The following CYP1B1 variants were observed in gnomAD, a reference collection of about 807,000 sequenced individuals.
CYP1B1 encodes cytochrome P450 1B1.
Under a neutral mutation model 29.9 loss-of-function variants are expected in CYP1B1, and 22 were observed. That is an observed-to-expected ratio of 0.74 (90% CI 0.53 to 1.05). The LOEUF is 1.05. CYP1B1 is among the 50% of genes least tolerant of loss of function. The pLI is 0.00. For synonymous variants in CYP1B1, 375 were observed against 320.0 expected, an observed-to-expected ratio of 1.17 and a Z score of -1.83; for missense variants, 883 against 746.9, an observed-to-expected ratio of 1.18 and a Z score of -2.12.
In CYP1B1 at chr2:38,075,246, C is replaced by G. The variant is rs1334319155; in HGVS notation, c.143G>C (p.Arg48Pro). 3.1e-6 allele frequency: 5 copies of G among 1,594,634 alleles called. No homozygotes were observed. Among genetic ancestry groups the G allele is most frequent in the Non-Finnish European group, 3.4e-6 (4 of 1,175,134 alleles). ...CGCAAACGGGCCCGGGGGCGCGGAC[C>G]GGAGCTGCCGCCTCCGTTGCCTCAG... is the stretch of plus-strand genomic sequence containing the variant. ...RLLRQRRRQL[R>P]SAPPGPFAWP... is the part of the protein sequence containing the mutation. The change falls in exon 2 of 3, where the codon CGG becomes CCG. Residue 48 changes from arginine (R) to proline (P), a missense_variant. Arg to Pro is a moderately radical substitution (Grantham distance 103). Coordinates refer to ENST00000610745, the MANE Select transcript of CYP1B1 (RefSeq NM_000104.4).
rs1239156981 is a variant in CYP1B1 at position 38,074,521 on chromosome 2, G to A, written c.868C>T (p.Arg290Cys). 3 of 1,608,206 alleles carry A rather than the reference G, an allele frequency of 1.9e-6. No individual in the cohort carries two copies. The highest frequency in any genetic ancestry group is 2.5e-6 in the Non-Finnish European group (3 of 1,177,598). ...CESLRPGAAPRDMMDAFILSA... is the reference protein window; with the variant it reads ...CESLRPGAAPCDMMDAFILSA... ...AGGATAAAGGCGTCCATCATGTCGC[G>A]GGGGGCGGCCCCGGGCCGAAGGCTT... Residue 290 changes from arginine (R) to cysteine (C), a missense_variant, in exon 2 of 3, where the codon CGC becomes TGC. Physicochemically the swap from Arg to Cys is radical, Grantham distance 180. Transcript: ENST00000610745.
At chr2:38,072,164 T>C (rs1024095708) in intron 2 of CYP1B1, among the ~76,000 whole-genome samples, 42 of 152,336 alleles carry the variant, frequency 2.8e-4, no homozygotes, top group Non-Finnish European at 2.6e-4. Flanking sequence ...AATCCATGCC[T>C]AGAAATGTAT....
intron 2 of CYP1B1, among the ~76,000 whole-genome samples, chr2:38,072,612 ATGAAG>A (rs761928326): frequency 5.7e-4 from 87 of 152,344 alleles, no homozygotes; most frequent in Non-Finnish European, 8.5e-4. Flanking sequence ...CACGTATGTG[ATGAAG>A]TGGAGTTATT....
chr2:38,075,459 C>T, intron 1 of CYP1B1, 70 bp from the exon 2 acceptor site: 1 of 1,512,566 alleles, frequency 6.6e-7, no homozygotes, highest in Admixed American at 1.8e-5. Context: ...CACGCCCCTA[C>T]CCCAGCCTCT....
In CYP1B1 at chr2:38,075,043, C is replaced by T. The variant is rs979313676; in HGVS notation, c.346G>A (p.Asp116Asn). The change falls in exon 2 of 3, where the codon GAC becomes AAC. Residue 116 changes from aspartate to asparagine, a missense_variant. By Grantham distance (23) the Asp-to-Asn change is conservative. Coordinates refer to ENST00000610745, the MANE Select transcript of CYP1B1 (RefSeq NM_000104.4). Reference sequence around the variant, plus strand: ...CGGAAGGAGGCGAAGGCCGGCCGGTCGGCGAAGGCCGAGCCCTGCTGCACC... The same window carrying T: ...CGGAAGGAGGCGAAGGCCGGCCGGTTGGCGAAGGCCGAGCCCTGCTGCACC... ...ALVQQGSAFA[D>N]RPAFASFRVV... The T allele has an allele frequency of 6.3e-7, 1 of 1,587,256 alleles. No homozygotes were observed. The highest frequency in any genetic ancestry group is 8.5e-7 in the Non-Finnish European group (1 of 1,174,776).
At chr2:38,072,747 G>A (rs569957199) in intron 2 of CYP1B1, among the ~76,000 whole-genome samples, 3 of 152,310 alleles carry the variant, frequency 2.0e-5, no homozygotes, top group Admixed American at 2.0e-4. Context: ...AACCCTCTTT[G>A]TTGCACTACT....
At chr2:38,071,349 G>A (rs1349832481) in intron 2 of CYP1B1, 39 bp from the exon 3 acceptor site, 6 of 1,574,976 alleles carry the variant, frequency 3.8e-6, no homozygotes, top group Non-Finnish European at 5.2e-6. Context: ...AAGCAAGTGA[G>A]CAAAATTCTT....
chr2:38,074,529 G>T lies in CYP1B1; in HGVS notation c.860C>A (p.Ala287Asp). 6 of 1,607,290 alleles carry T rather than the reference G, an allele frequency of 3.7e-6. No homozygotes were observed. Among genetic ancestry groups the T allele is most frequent in the Non-Finnish European group, 5.1e-6 (6 of 1,177,170 alleles). The change falls in exon 2 of 3, where the codon GCC becomes GAC. Residue 287 changes from alanine to aspartate, a missense_variant. Ala to Asp is a moderately radical substitution (Grantham distance 126). Transcript: ENST00000610745. Reference sequence around the variant, plus strand: ...GGCGTCCATCATGTCGCGGGGGGCGGCCCCGGGCCGAAGGCTTTCGCAGTG... The same window carrying T: ...GGCGTCCATCATGTCGCGGGGGGCGTCCCCGGGCCGAAGGCTTTCGCAGTG... ...LRHCESLRPG[A>D]APRDMMDAFI... is the part of the protein sequence containing the mutation.
At position 38,074,491 on chromosome 2, in the gene CYP1B1, C is replaced by T. The variant is rs1484355793; in HGVS notation, c.898G>A (p.Ala300Thr). Residue 300 changes from alanine (A) to threonine (T), a missense_variant, in exon 2 of 3, where the codon GCG becomes ACG. Physicochemically the swap from Ala to Thr is moderately conservative, Grantham distance 58. Coordinates refer to ENST00000610745, the MANE Select transcript of CYP1B1 (RefSeq NM_000104.4). Reference sequence around the variant, plus strand: ...GAGTCCCCGGCCGCCTTCTTTTCCGCAGAGAGGATAAAGGCGTCCATCATG... The same window carrying T: ...GAGTCCCCGGCCGCCTTCTTTTCCGTAGAGAGGATAAAGGCGTCCATCATG... ...RDMMDAFILS[A>T]EKKAAGDSHG... The T allele has an allele frequency of 6.2e-7, 1 of 1,612,052 alleles. No individual in the cohort carries two copies. Among genetic ancestry groups the T allele is most frequent in the Non-Finnish European group, 8.5e-7 (1 of 1,179,378 alleles).
In CYP1B1 at chr2:38,068,484, T is replaced by C. The variant is rs1206996157; in HGVS notation, c.*2238A>G. The C allele has an allele frequency of 4.4e-6, 1 of 224,806 alleles. No homozygotes were observed. The highest frequency in any genetic ancestry group is 2.2e-5 in the African/African-American group (1 of 44,782). 13.9% of individuals were successfully genotyped at this position (224,806 alleles called of 1,614,324 possible). ...ATTGGTTCATGATTATTTTTGCAGCTACACATTTCTCAATCTAAAAAAATA... is the reference window on the plus strand; with the variant it reads ...ATTGGTTCATGATTATTTTTGCAGCCACACATTTCTCAATCTAAAAAAATA... On this transcript the variant is annotated 3_prime_UTR_variant, in exon 3 of 3. Transcript: ENST00000610745.
At chr2:38,075,440 C>T (rs1241943573) in intron 1 of CYP1B1, 51 bp from the exon 2 acceptor site, 2 of 1,579,930 alleles carry the variant, frequency 1.3e-6, no homozygotes, top group Non-Finnish European at 8.6e-7. Context: ...GAGACAGGAG[C>T]GGGCGCCCCA....
rs72549387 is a variant in CYP1B1, at chr2:38,075,218, C to T, written c.171G>A (p.Trp57Ter). 4.0e-4 allele frequency: 634 copies of T among 1,582,722 alleles called. No homozygotes were observed. The highest frequency in any genetic ancestry group is 5.2e-4 in the Non-Finnish European group (610 of 1,170,786). Residue 57 changes from tryptophan to a stop codon, truncating the protein, a stop_gained, in exon 2 of 3, where the codon TGG (tryptophan) becomes TGA (stop). Transcript: ENST00000610745. LOFTEE classifies it high-confidence loss of function. Reference protein sequence around the residue: ...LRSAPPGPFAWPLIGNAAAVG... With the variant: ...LRSAPPGPFA ...CCGCCGCCGCGTTTCCGATCAGTGGCCACGCAAACGGGCCCGGGGGCGCGG... is the reference window on the plus strand; with the variant it reads ...CCGCCGCCGCGTTTCCGATCAGTGGTCACGCAAACGGGCCCGGGGGCGCGG...
Position 38,069,366 on chromosome 2 carries a change from CCATTATT to C in CYP1B1, c.*1349_*1355del, listed in dbSNP as rs1682381082. 5 of 217,528 alleles carry C rather than the reference CCATTATT, an allele frequency of 2.3e-5. 1 individual carries two copies. The South Asian group carries it at 9.3e-4, about 40-fold the overall frequency. The allele number at this position is 217,528 out of a possible 1,614,324, so 13.5% of individuals were successfully genotyped here. On this transcript the variant is annotated 3_prime_UTR_variant, in exon 3 of 3. Transcript: ENST00000610745. ...ACATCCAGGTAATTCATGGCATTTT[CCATTATT>C]CATTGGGCAGACACAGCTTAGATTT... is the stretch of plus-strand genomic sequence containing the variant.
In CYP1B1 at chr2:38,074,822, G is replaced by C; in HGVS notation, c.567C>G (p.Ala189=). The change falls in exon 2 of 3, where the codon GCC becomes GCG. Residue 189 remains alanine, a synonymous_variant. Coordinates refer to ENST00000610745, the MANE Select transcript of CYP1B1 (RefSeq NM_000104.4). ...CGGTCAGCGGCCTCGGGTCGAGGAA[G>C]GCGCCGTCCGCGCTGCCGCGCACCA... ...ALLVRGSADG[A]FLDPRPLTVV... 6.4e-7 allele frequency: 1 copy of C among 1,569,576 alleles called. No individual in the cohort carries two copies. Among genetic ancestry groups the C allele is most frequent in the Non-Finnish European group, 8.6e-7 (1 of 1,158,004 alleles).
Position 38,074,958 on chromosome 2 carries a change from T to C in CYP1B1, c.431A>G (p.Gln144Arg), listed in dbSNP as rs753847648. ...CATCATGCTGTGGGCTGCGCGCCGC[T>C]GCACCTTCCAGTGCTCCGAGTAGTG... is the stretch of plus-strand genomic sequence containing the variant. Reference protein sequence around the residue: ...FGHYSEHWKVQRRAAHSMMRN... With the variant: ...FGHYSEHWKVRRRAAHSMMRN... The change falls in exon 2 of 3, where the codon CAG becomes CGG. Residue 144 changes from glutamine (Q) to arginine (R), a missense_variant. By Grantham distance (43) the Gln-to-Arg change is conservative. Coordinates refer to ENST00000610745, the MANE Select transcript of CYP1B1 (RefSeq NM_000104.4). 34 of 1,574,780 alleles carry C rather than the reference T, an allele frequency of 2.2e-5. No individual in the cohort carries two copies. The South Asian group carries it at 3.2e-4, about 15-fold the overall frequency.
chr2:38,069,082 C>T lies in CYP1B1; in HGVS notation c.*1640G>A, dbSNP rs1418812276. ...CAATGAACTTTAAAACTTGAAACTTCAATTCACTTTTCTAAATGTGAATGC... is the reference window on the plus strand; with the variant it reads ...CAATGAACTTTAAAACTTGAAACTTTAATTCACTTTTCTAAATGTGAATGC... On this transcript the variant is annotated 3_prime_UTR_variant, in exon 3 of 3. Transcript: ENST00000610745. 8.9e-6 allele frequency: 2 copies of T among 225,866 alleles called. No homozygotes were observed. The highest frequency in any genetic ancestry group is 4.4e-5 in the African/African-American group (2 of 44,960). The allele number at this position is 225,866 out of a possible 1,614,324, so 14.0% of individuals were successfully genotyped here. A position where few individuals can be genotyped will look rare whatever the true frequency, so the allele number is the denominator to read the frequency against.
rs1450206747 is a variant in CYP1B1 at position 38,071,062 on chromosome 2, G to A, written c.1292C>T (p.Pro431Leu). ...GTTCTCCGGGTTAGGCCACTTCAGT[G>A]GGTCATGATTCACAGACCACTGGTT... ...FVNQWSVNHD[P>L]LKWPNPENFD... The change falls in exon 3 of 3, where the codon CCA becomes CTA. Residue 431 changes from proline (P) to leucine (L), a missense_variant. By Grantham distance (98) the Pro-to-Leu change is moderately conservative (BLOSUM62 -3). Transcript: ENST00000610745. 3 of 1,613,566 alleles carry A rather than the reference G, an allele frequency of 1.9e-6. No individual in the cohort carries two copies. Among genetic ancestry groups the A allele is most frequent in the Non-Finnish European group, 2.5e-6 (3 of 1,179,536 alleles).
Position 38,075,091 on chromosome 2 carries a change from C to A in CYP1B1, c.298G>T (p.Glu100Ter), listed in dbSNP as rs867870281. 3 of 1,580,304 alleles carry A rather than the reference C, an allele frequency of 1.9e-6. No homozygotes were observed. The highest frequency in any genetic ancestry group is 2.3e-5 in the East Asian group (1 of 43,746). The change falls in exon 2 of 3, where the codon GAG becomes TAG. Residue 100 changes from glutamate (E) to a stop codon, truncating the protein, a stop_gained. Coordinates refer to ENST00000610745, the MANE Select transcript of CYP1B1 (RefSeq NM_000104.4). LOFTEE classifies it high-confidence loss of function. Reference protein sequence around the residue: ...GSCPIVVLNGERAIHQALVQQ... With the variant: ...GSCPIVVLNG ...ACCAGGGCCTGGTGGATGGCGCGCT[C>A]GCCATTCAGCACCACTATGGGGCAG...
At chr2:38,072,476 T>C (rs1682450270) in intron 2 of CYP1B1, among the ~76,000 whole-genome samples, 1 of 152,166 alleles carries the variant, frequency 6.6e-6, no homozygotes, top group Non-Finnish European at 1.5e-5. Flanking sequence ...AGCAAAATAC[T>C]ATATAGCCAT....
Sources: gnomAD v4.1 joint callset for allele counts (sites outside exome capture counted in the v4.1 genomes callset) on GRCh38, gnomAD v4.1.1 for gene constraint, MANE v1.5 for transcripts, NCBI Gene and HGNC (gene_info 2026-07-23, HGNC 2026-07-21) for gene names.